The following HADH variants were observed in gnomAD, a reference collection of about 807,000 sequenced individuals.
HADH encodes the protein hydroxyacyl-CoA dehydrogenase.
In HADH, 24 loss-of-function variants were observed where a neutral mutation model predicts 32.2. The ratio of observed to expected loss-of-function variants is 0.75; its 90% confidence interval spans 0.54 to 1.05. HADH has a LOEUF of 1.05. HADH is among the 50% of genes least tolerant of loss of function. The probability of loss-of-function intolerance (pLI) is 0.00; values close to 1 mark genes in which losing one functional copy is unlikely to be tolerated. For missense variants in HADH, 350 were observed against 397.1 expected (o/e 0.88, Z 1.01); for synonymous variants, 139 against 152.5 (o/e 0.91, Z 0.65).
chr4:108,009,977 C>CTTTTTTTTTTTTTTT (rs11388783), intron 2 of HADH, 90 bp downstream of exon 2: 16 of 552,122 alleles, frequency 2.9e-5, no homozygotes, highest in South Asian at 6.6e-5. Context: ...TTCTTTCTTT[C>CTTTTTTTTTTTTTTT]TTTTTTTTTT....
intron 5 of HADH, chr4:108,027,433 G>A: frequency 1.8e-6 from 1 of 546,378 alleles, no homozygotes; most frequent in South Asian, 2.0e-5. Flanking sequence ...GGTCACACCT[G>A]TGCCTTGATC....
intron 3 of HADH, among the ~76,000 whole-genome samples, chr4:108,016,489 G>A (rs1224648731): frequency 6.6e-6 from 1 of 152,192 alleles, no homozygotes; most frequent in Non-Finnish European, 1.5e-5. Context: ...GACAAAAACA[G>A]AATATACTTG....
At chr4:108,006,770 A>G (rs1735305798) in intron 1 of HADH, among the ~76,000 whole-genome samples, 1 of 152,246 alleles carries the variant, frequency 6.6e-6, no homozygotes, top group Non-Finnish European at 1.5e-5. Flanking sequence ...TAATGCTGAC[A>G]TGGAAACTGT....
At chr4:108,014,409 C>T (rs1422125867) in intron 2 of HADH, 22 bp from the exon 3 acceptor site, 2 of 1,614,048 alleles carry the variant, frequency 1.2e-6, no homozygotes, top group Admixed American at 3.3e-5. Flanking sequence ...TGAATGTTCT[C>T]TTCTTCCTCC....
intron 4 of HADH, among the ~76,000 whole-genome samples, chr4:108,021,943 G>GT (rs772016838): frequency 6.6e-6 from 1 of 152,120 alleles, no homozygotes; most frequent in Non-Finnish European, 1.5e-5. Flanking sequence ...GAAAACAGGA[G>GT]TGAGAACTCT....
rs770919917 is a variant in HADH, at chr4:108,014,520, G to A, written c.351G>A (p.Val117=). Residue 117 remains valine, a synonymous_variant, in exon 3 of 8, where the codon GTG becomes GTA. Transcript: ENST00000309522. ...ASVVHSTDLV[V]EAIVENLKVK... is the part of the protein sequence containing the mutation. ...TTGTCCACAGCACAGACTTGGTGGT[G>A]GAAGCCATCGTGGAGAATCTGAAGG... 5.6e-6 allele frequency: 9 copies of A among 1,614,088 alleles called. No homozygotes were observed. The Admixed American group carries it at 1.5e-4, about 27-fold the overall frequency.
intron 4 of HADH, among the ~76,000 whole-genome samples, chr4:108,020,328 G>C (rs1414259534): frequency 1.3e-5 from 2 of 152,166 alleles, no homozygotes; most frequent in East Asian, 1.9e-4. Flanking sequence ...AAATCAGCCA[G>C]GGGTTTTGGT....
chr4:108,000,693 A>C (rs1001108451), intron 1 of HADH, among the ~76,000 whole-genome samples: 2 of 152,200 alleles, frequency 1.3e-5, no homozygotes, highest in African/African-American at 4.8e-5. Flanking sequence ...GATGGTGTCC[A>C]TGTTAGATTA....
chr4:107,991,754 G>A (rs960615190), intron 1 of HADH, among the ~76,000 whole-genome samples: 11 of 152,166 alleles, frequency 7.2e-5, no homozygotes, highest in Non-Finnish European at 1.3e-4. Context: ...AATCTCCCAA[G>A]GCTGTGAGAG....
intron 1 of HADH, among the ~76,000 whole-genome samples, chr4:107,995,783 C>G (rs1734937725): frequency 6.6e-6 from 1 of 152,168 alleles, no homozygotes; most frequent in Non-Finnish European, 1.5e-5. Context: ...GCCTGCACCT[C>G]TGGCAAGTGC....
At chr4:108,008,095 A>G (rs1046918256) in intron 1 of HADH, among the ~76,000 whole-genome samples, 2 of 152,192 alleles carry the variant, frequency 1.3e-5, no homozygotes, top group African/African-American at 4.8e-5. Flanking sequence ...CATTGGCTAG[A>G]TGGGCCTTGG....
Position 108,007,640 on chromosome 4 carries a change from C to G in HADH, c.133-2119C>G, listed in dbSNP as rs139441347. Among the ~76,000 whole-genome samples, 762 of 152,294 alleles carry G rather than the reference C, an allele frequency of 5.0e-3. 6 individuals are homozygous for G. The highest frequency in any genetic ancestry group is 7.9e-3 in the Non-Finnish European group (540 of 68,020). On this transcript the variant is annotated intron_variant, in intron 1 of 7. Coordinates refer to ENST00000309522, the MANE Select transcript of HADH (RefSeq NM_005327.7). ...TGGTCCAAATGAGAGAAAGGAATAGCCTGCCTAATATCTTGAGTCCATCTC... is the reference window on the plus strand; with the variant it reads ...TGGTCCAAATGAGAGAAAGGAATAGGCTGCCTAATATCTTGAGTCCATCTC...
chr4:107,991,815 TAAC>T (rs1290261315), intron 1 of HADH, among the ~76,000 whole-genome samples: 2 of 152,214 alleles, frequency 1.3e-5, no homozygotes, highest in Non-Finnish European at 2.9e-5. Flanking sequence ...AGAAACATTT[TAAC>T]AACATCTTAG....
intron 1 of HADH, among the ~76,000 whole-genome samples, chr4:107,993,111 G>A (rs1278802834): frequency 2.0e-5 from 3 of 152,164 alleles, no homozygotes; most frequent in African/African-American, 4.8e-5. Context: ...GCGAGACTCC[G>A]TCTCAAAAAG....
At chr4:108,015,738 A>G (rs915399664) in intron 3 of HADH, among the ~76,000 whole-genome samples, 5 of 152,204 alleles carry the variant, frequency 3.3e-5, no homozygotes, top group Admixed American at 6.5e-5. Context: ...GGACAGGCCT[A>G]TGTTTCTTGA....
At chr4:108,013,950 T>C (rs1004474132) in intron 2 of HADH, among the ~76,000 whole-genome samples, 3 of 152,058 alleles carry the variant, frequency 2.0e-5, no homozygotes, top group Admixed American at 1.3e-4. Context: ...TGTGGACAAA[T>C]TACACTATGA....
At chr4:108,006,367 G>T (rs189896253) in intron 1 of HADH, among the ~76,000 whole-genome samples, 70 of 152,288 alleles carry the variant, frequency 4.6e-4, no homozygotes, top group African/African-American at 1.6e-3. Context: ...TTATTTTAGG[G>T]CAGTGCTCAG....
chr4:108,004,852 A>T (rs934101346), intron 1 of HADH: 1 of 1,535,970 alleles, frequency 6.5e-7, no homozygotes, highest in Non-Finnish European at 8.7e-7. Context: ...CCCTGCGGAG[A>T]TGTTAAGGGT....
intron 6 of HADH, chr4:108,032,304 C>G (rs2126241117): frequency 6.5e-7 from 1 of 1,528,870 alleles, no homozygotes; most frequent in East Asian, 2.3e-5. Flanking sequence ...GCACATTGAT[C>G]CTTGTCGTAG....
Sources: gnomAD v4.1 joint callset for allele counts (sites outside exome capture counted in the v4.1 genomes callset) on GRCh38, gnomAD v4.1.1 for gene constraint, MANE v1.5 for transcripts, NCBI Gene and HGNC (gene_info 2026-07-23, HGNC 2026-07-21) for gene names.